The following TAPT1 variants were observed in gnomAD, a reference collection of about 807,000 sequenced individuals.
TAPT1 encodes the protein transmembrane anterior posterior transformation protein 1 homolog.
TAPT1 carries 28 observed loss-of-function variants against 65.6 expected under a neutral mutation model. That is an observed-to-expected ratio of 0.43 (90% CI 0.32 to 0.59). The LOEUF (loss-of-function observed/expected upper bound fraction) is 0.59. TAPT1 is among the 20% of genes least tolerant of loss of function. TAPT1 has a pLI of 0.09. For synonymous variants in TAPT1, 278 were observed against 245.2 expected (o/e 1.13, Z -1.25); for missense variants, 563 against 679.9 (o/e 0.83, Z 1.91).
Position 16,160,667 on chromosome 4 carries a change from A to T in TAPT1, c.*2641T>A, listed in dbSNP as rs2149657812. ...GCTCATTGCTGATCCCACCACTTAG[A>T]ACAGTTTCTGACACATAGGAAGTGA... On this transcript the variant is annotated 3_prime_UTR_variant, in exon 14 of 14. Transcript: ENST00000405303. 1 of 152,310 alleles carries T rather than the reference A, an allele frequency of 6.6e-6. No homozygotes were observed. Among genetic ancestry groups the T allele is most frequent in the South Asian group, 2.1e-4 (1 of 4,826 alleles). 9.4% of individuals were successfully genotyped at this position (152,310 alleles called of 1,614,324 possible). A position where few individuals can be genotyped will look rare whatever the true frequency, so the allele number is the denominator to read the frequency against.
intron 7 of TAPT1, among the ~76,000 whole-genome samples, chr4:16,181,928 T>C (rs1279888281): frequency 6.6e-6 from 1 of 152,182 alleles, no homozygotes; most frequent in Non-Finnish European, 1.5e-5. Flanking sequence ...TAAAAATGGA[T>C]AAATTTGGTA....
intron 12 of TAPT1, among the ~76,000 whole-genome samples, chr4:16,169,781 G>A (rs763651373): frequency 7.9e-5 from 12 of 152,230 alleles, no homozygotes; most frequent in Admixed American, 3.9e-4. Flanking sequence ...TCCTGAGCAC[G>A]TGCTAGGTAG....
intron 11 of TAPT1, among the ~76,000 whole-genome samples, chr4:16,171,574 A>G (rs934822275): frequency 6.6e-6 from 1 of 152,220 alleles, no homozygotes; most frequent in Non-Finnish European, 1.5e-5. Context: ...ACACATTTAA[A>G]AAGACATTTA....
chr4:16,224,516 T>C (rs1380014542), intron 1 of TAPT1, among the ~76,000 whole-genome samples: 1 of 152,088 alleles, frequency 6.6e-6, no homozygotes, highest in Admixed American at 6.5e-5. Flanking sequence ...AATTTGGAAT[T>C]CTCACCTAAA....
intron 3 of TAPT1, among the ~76,000 whole-genome samples, chr4:16,192,701 A>C (rs1399352228): frequency 6.7e-6 from 1 of 149,150 alleles, no homozygotes; most frequent in African/African-American, 2.6e-5. Flanking sequence ...CTGATTCCTC[A>C]GGACAGAAAA....
chr4:16,199,684 T>C (rs1437786956), intron 3 of TAPT1, among the ~76,000 whole-genome samples: 1 of 152,128 alleles, frequency 6.6e-6, no homozygotes, highest in Non-Finnish European at 1.5e-5. Flanking sequence ...CTCGAATTCC[T>C]GGGCTCAAGG....
chr4:16,179,259 C>A (rs561710715), intron 8 of TAPT1: 1 of 222,856 alleles, frequency 4.5e-6, no homozygotes, highest in East Asian at 1.2e-4. Flanking sequence ...CAGCACGTTA[C>A]CATACTGAAT....
intron 12 of TAPT1, 159 bp from the exon 13 acceptor site, chr4:16,166,952 T>C (rs1747672201): frequency 2.0e-6 from 1 of 510,116 alleles, no homozygotes; most frequent in Non-Finnish European, 3.4e-6. Context: ...TTCTGAGGCC[T>C]CCTTGTCACA....
chr4:16,197,185 C>T (rs187846956), intron 3 of TAPT1, among the ~76,000 whole-genome samples: 8 of 152,284 alleles, frequency 5.3e-5, no homozygotes, highest in Admixed American at 4.6e-4. Flanking sequence ...ATACTATTGC[C>T]TCTTCAACCA....
chr4:16,169,716 G>A (rs762728458), intron 12 of TAPT1, among the ~76,000 whole-genome samples: 2 of 152,254 alleles, frequency 1.3e-5, no homozygotes, highest in Non-Finnish European at 2.9e-5. Flanking sequence ...ACTTGGTGGA[G>A]AGGTGGAAAG....
intron 3 of TAPT1, among the ~76,000 whole-genome samples, chr4:16,195,890 C>T (rs145903452): frequency 0.024 from 3,628 of 152,094 alleles, 103 homozygotes; most frequent in African/African-American, 0.065. Flanking sequence ...CAAAAATGAG[C>T]GAGAAAAATG....
chr4:16,217,236 T>C (rs1750992982), intron 1 of TAPT1, among the ~76,000 whole-genome samples: 1 of 152,208 alleles, frequency 6.6e-6, no homozygotes, highest in Non-Finnish European at 1.5e-5. Flanking sequence ...TTTTCTTGTC[T>C]GGTTTTCTCA....
chr4:16,202,600 G>GAA lies in TAPT1; in HGVS notation c.331-22_331-21dup. On this transcript the variant is annotated intron_variant, in intron 2 of 13. Transcript: ENST00000405303. ...CATCAGCTGAATTTTAACAAGGAGA[G>GAA]AAGAAAAAAAAAAAGTATTTTAAAA... 8.5e-7 allele frequency: 1 copy of GAA among 1,180,422 alleles called. No homozygotes were observed. 73.1% of individuals were successfully genotyped at this position (1,180,422 alleles called of 1,614,324 possible).
chr4:16,191,452 A>C lies in TAPT1; in HGVS notation c.521T>G (p.Phe174Cys). The C allele has an allele frequency of 6.3e-7, 1 of 1,577,850 alleles. No homozygotes were observed. The highest frequency in any genetic ancestry group is 2.3e-5 in the East Asian group (1 of 43,266). ...LKGVILVICY[F>C]MMHYVDYSMM... ...GGAGTAGTCAACATAGTGCATCATAAAATAGCAGATTACCAAAATGACACC... is the reference window on the plus strand; with the variant it reads ...GGAGTAGTCAACATAGTGCATCATACAATAGCAGATTACCAAAATGACACC... The change falls in exon 4 of 14, where the codon TTT (phenylalanine) becomes TGT (cysteine). Residue 174 changes from phenylalanine (F) to cysteine (C), a missense_variant. Around this residue, in one of 5 missense-constraint regions of TAPT1, gnomAD observed 217 missense variants for 317.5 expected, o/e 0.68. Coordinates refer to ENST00000405303, the MANE Select transcript of TAPT1 (RefSeq NM_153365.3).
At chr4:16,177,853 A>G (rs1748439122) in intron 8 of TAPT1, among the ~76,000 whole-genome samples, 1 of 152,224 alleles carries the variant, frequency 6.6e-6, no homozygotes, top group Non-Finnish European at 1.5e-5. Context: ...TAAACCTAAA[A>G]AAAGAGTGAA....
At chr4:16,201,039 A>G (rs1255299299) in intron 3 of TAPT1, among the ~76,000 whole-genome samples, 2 of 152,246 alleles carry the variant, frequency 1.3e-5, no homozygotes, top group East Asian at 3.8e-4. Flanking sequence ...GAAGGCAAGT[A>G]AGTTACAGAA....
At chr4:16,213,006 C>CGT in intron 2 of TAPT1, among the ~76,000 whole-genome samples, 1 of 152,176 alleles carries the variant, frequency 6.6e-6, no homozygotes, top group East Asian at 1.9e-4. Context: ...GATAGCCACT[C>CGT]CAACAGAAAG....
At chr4:16,209,813 G>C (rs933135271) in intron 2 of TAPT1, among the ~76,000 whole-genome samples, 1 of 152,168 alleles carries the variant, frequency 6.6e-6, no homozygotes, top group African/African-American at 2.4e-5. Context: ...AAAATGCCTA[G>C]GACAGTATCT....
chr4:16,202,717 A>G (rs1322003336), intron 2 of TAPT1, 137 bp from the exon 3 acceptor site: 5 of 530,572 alleles, frequency 9.4e-6, no homozygotes, highest in East Asian at 3.4e-5. Flanking sequence ...TAACAAATTA[A>G]CAGTTCTTCT....
Sources: allele counts gnomAD v4.1 joint callset (sites outside exome capture counted in the v4.1 genomes callset), GRCh38; gene constraint gnomAD v4.1.1; regional missense constraint gnomAD v4.1.1; transcripts MANE v1.5; gene names NCBI Gene and HGNC (gene_info 2026-07-23, HGNC 2026-07-21).